PDIA5: variants seen among roughly 807,000 people sequenced by gnomAD.
The protein encoded by PDIA5 is protein disulfide-isomerase A5.
Under a neutral mutation model 77.6 loss-of-function variants are expected in PDIA5, and 58 were observed. That is an observed-to-expected ratio of 0.75 (90% CI 0.61 to 0.93). The LOEUF (loss-of-function observed/expected upper bound fraction) is 0.93, where lower values mean the gene tolerates loss of function less well. Among genes scored for constraint, PDIA5 ranks in the 40% least tolerant of loss-of-function variants. PDIA5 has a pLI of 0.00. For synonymous variants in PDIA5, 250 were observed against 252.1 expected (o/e 0.99, Z 0.08); for missense variants, 630 against 647.7 (o/e 0.97, Z 0.30).
At position 123,150,361 on chromosome 3, in the gene PDIA5, C is replaced by T. The variant is rs1935862864; in HGVS notation, c.1270C>T (p.Pro424Ser). The change falls in exon 14 of 17, where the codon CCT (proline) becomes TCT (serine). Residue 424 changes from proline (P) to serine (S), a missense_variant. Physicochemically the swap from Pro to Ser is moderately conservative, Grantham distance 74. Coordinates refer to ENST00000316218, the MANE Select transcript of PDIA5 (RefSeq NM_006810.4). ...ACACACCTTGGTCATGTTCTACGCC[C>T]CTTGTAAGTAGCTTGGGTGCTCACT... ...KKHTLVMFYAPWCPHCKKVIP... is the reference protein window; with the variant it reads ...KKHTLVMFYASWCPHCKKVIP... The T allele has an allele frequency of 6.2e-7, 1 of 1,613,220 alleles. No homozygotes were observed. The highest frequency in any genetic ancestry group is 8.5e-7 in the Non-Finnish European group (1 of 1,179,536).
chr3:123,074,243 C>T (rs927765027), intron 1 of PDIA5, among the ~76,000 whole-genome samples: 1 of 152,188 alleles, frequency 6.6e-6, no homozygotes, highest in Non-Finnish European at 1.5e-5. Context: ...AAGACAGACA[C>T]CATCTCTTTC....
intron 16 of PDIA5, 104 bp from the exon 17 acceptor site, chr3:123,161,776 T>C (rs984721677): frequency 7.4e-6 from 6 of 805,656 alleles, no homozygotes; most frequent in African/African-American, 1.7e-5. Flanking sequence ...CTCCCTGTCA[T>C]AGGAGTGACC....
At chr3:123,114,511 C>G (rs576157131) in intron 7 of PDIA5, among the ~76,000 whole-genome samples, 34 of 152,378 alleles carry the variant, frequency 2.2e-4, no homozygotes, top group African/African-American at 7.7e-4. Flanking sequence ...TGCCCAAGAT[C>G]ACCCAGCCAG....
chr3:123,067,175 C>T lies in PDIA5; in HGVS notation c.11C>T (p.Ala4Val), dbSNP rs1933587890. The T allele has an allele frequency of 3.8e-5, 47 of 1,246,660 alleles. No homozygotes were observed. The highest frequency in any genetic ancestry group is 4.6e-5 in the Non-Finnish European group (46 of 990,406). The allele number at this position is 1,246,660 out of a possible 1,614,324, so 77.2% of individuals were successfully genotyped here. MARAGPAWLLLAIW... is the reference protein window; with the variant it reads MARVGPAWLLLAIW... ...GGCAGCGCTGCTGGGATGGCGCGGG[C>T]CGGGCCGGCGTGGCTGCTGCTGGCA... Residue 4 changes from alanine (A) to valine (V), a missense_variant, in exon 1 of 17, where the codon GCC (alanine) becomes GTC (valine). Physicochemically the swap from Ala to Val is moderately conservative, Grantham distance 64. Coordinates refer to ENST00000316218, the MANE Select transcript of PDIA5 (RefSeq NM_006810.4).
intron 10 of PDIA5, among the ~76,000 whole-genome samples, chr3:123,126,279 A>G (rs1456011986): frequency 6.8e-6 from 1 of 146,882 alleles, no homozygotes; most frequent in Non-Finnish European, 1.5e-5. Flanking sequence ...GCTGGCCTGC[A>G]CCCCACAGCT....
intron 12 of PDIA5, 99 bp downstream of exon 12, chr3:123,145,691 G>A (rs556748291): frequency 1.9e-5 from 19 of 1,004,744 alleles, no homozygotes; most frequent in African/African-American, 3.2e-5. Flanking sequence ...TGCAGCTCCC[G>A]TGGTCCGTGG....
chr3:123,151,420 G>A (rs982685151), intron 14 of PDIA5, among the ~76,000 whole-genome samples: 29 of 152,140 alleles, frequency 1.9e-4, no homozygotes, highest in African/African-American at 5.3e-4. Context: ...GGCCCCTCCC[G>A]CAGCCTGGAT....
At chr3:123,137,573 G>A (rs544694125) in intron 11 of PDIA5, among the ~76,000 whole-genome samples, 36 of 152,270 alleles carry the variant, frequency 2.4e-4, no homozygotes, top group Admixed American at 6.5e-4. Flanking sequence ...TGGATCAGGC[G>A]TTGTTCTAGG....
intron 8 of PDIA5, among the ~76,000 whole-genome samples, chr3:123,121,969 G>T (rs563542892): frequency 9.2e-5 from 14 of 152,190 alleles, no homozygotes; most frequent in Non-Finnish European, 1.6e-4. Flanking sequence ...GCATGTTGCT[G>T]CTGCACTCAG....
chr3:123,157,773 G>A (rs768539454), intron 15 of PDIA5, among the ~76,000 whole-genome samples: 1 of 152,234 alleles, frequency 6.6e-6, no homozygotes, highest in African/African-American at 2.4e-5. Context: ...GGACTTTATC[G>A]GTTGGCACAC....
intron 12 of PDIA5, 102 bp from the exon 13 acceptor site, chr3:123,145,997 A>T (rs1173788325): frequency 9.1e-7 from 1 of 1,096,908 alleles, no homozygotes; most frequent in African/African-American, 1.6e-5. Context: ...GTTAAATTCC[A>T]GCAGGTCCAG....
In PDIA5 at chr3:123,116,310, G is replaced by A. The variant is rs369601319; in HGVS notation, c.609+12G>A. 140 of 1,608,922 alleles carry A rather than the reference G, an allele frequency of 8.7e-5. No homozygotes were observed. Among genetic ancestry groups the A allele is most frequent in the East Asian group, 5.3e-4 (24 of 44,876 alleles). ...TGCGAGGCCACGCCGTAAGTGAGGC[G>A]CCATTGCCTGGCAGGGCTGGGTCAC... On this transcript the variant is annotated intron_variant, in intron 8 of 16. Transcript: ENST00000316218.
At chr3:123,120,749 CTG>C (rs1418978820) in intron 8 of PDIA5, among the ~76,000 whole-genome samples, 1 of 152,186 alleles carries the variant, frequency 6.6e-6, no homozygotes, top group Non-Finnish European at 1.5e-5. Context: ...ATCTGGCAGA[CTG>C]TGAACTTTGC....
In PDIA5 at chr3:123,083,326, C is replaced by T. The variant is rs554629358; in HGVS notation, c.43-5842C>T. On this transcript the variant is annotated intron_variant, in intron 1 of 16. Transcript: ENST00000316218. The stretch of plus-strand genomic sequence containing the variant: ...AATAGGCAGGACCTGGCATTGGGGG[C>T]CTCTATTTCCCAGCAGCAGAAAAGG... 2.0e-5 allele frequency among the ~76,000 whole-genome samples: 3 copies of T among 152,196 alleles called. No individual in the cohort carries two copies. The East Asian group carries it at 5.8e-4, about 29-fold the overall frequency.
chr3:123,112,207 T>A (rs1177854957), intron 7 of PDIA5, among the ~76,000 whole-genome samples: 2 of 152,170 alleles, frequency 1.3e-5, no homozygotes, highest in Non-Finnish European at 2.9e-5. Context: ...CATCGGCCCT[T>A]CACGAAGCCA....
chr3:123,140,484 G>A (rs1935600753), intron 11 of PDIA5, among the ~76,000 whole-genome samples: 1 of 152,210 alleles, frequency 6.6e-6, no homozygotes, highest in Non-Finnish European at 1.5e-5. Context: ...GAAGTATTTT[G>A]TAATTAGAAG....
intron 4 of PDIA5, 116 bp from the exon 5 acceptor site, chr3:123,102,635 A>G: frequency 9.0e-7 from 1 of 1,114,836 alleles, no homozygotes; most frequent in Non-Finnish European, 1.3e-6. Context: ...TTCTTTTAAA[A>G]AAAAATCCTG....
At chr3:123,138,691 G>T (rs1327014814) in intron 11 of PDIA5, among the ~76,000 whole-genome samples, 1 of 152,200 alleles carries the variant, frequency 6.6e-6, no homozygotes, top group Admixed American at 6.5e-5. Context: ...AACTGTCAAG[G>T]AGTCCACTTT....
intron 8 of PDIA5, among the ~76,000 whole-genome samples, chr3:123,117,231 A>G (rs1367413892): frequency 6.6e-6 from 1 of 151,744 alleles, no homozygotes; most frequent in Non-Finnish European, 1.5e-5. Flanking sequence ...AGCATTAAGT[A>G]TATTTACACT....
Sources: gnomAD v4.1 joint callset for allele counts (sites outside exome capture counted in the v4.1 genomes callset) on GRCh38, gnomAD v4.1.1 for gene constraint, MANE v1.5 for transcripts, NCBI Gene and HGNC (gene_info 2026-07-23, HGNC 2026-07-21) for gene names.